The following WWC1 variants were observed in gnomAD, a reference collection of about 807,000 sequenced individuals.
The protein encoded by WWC1 is WW and C2 domain containing 1.
WWC1 carries 55 observed loss-of-function variants against 138.4 expected under a neutral mutation model. That is an observed-to-expected ratio of 0.40 (90% CI 0.32 to 0.50). The LOEUF is 0.50. Among genes scored for constraint, WWC1 ranks in the 20% least tolerant of loss-of-function variants. The probability of loss-of-function intolerance (pLI) is 0.72; values close to 1 mark genes in which losing one functional copy is unlikely to be tolerated. For synonymous variants in WWC1, 524 were observed against 564.9 expected (o/e 0.93, Z 1.03); for missense variants, 1,226 against 1,420.4 (o/e 0.86, Z 2.20).
chr5:168,430,459 C>G (rs1781851789), intron 14 of WWC1, among the ~76,000 whole-genome samples: 1 of 152,168 alleles, frequency 6.6e-6, no homozygotes, highest in South Asian at 2.1e-4. Flanking sequence ...AATTCCTGCC[C>G]CATTACGTGC....
In WWC1 at chr5:168,291,930, G is replaced by A. The variant is rs1769081447; in HGVS notation, c.-223G>A. The A allele has an allele frequency of 7.4e-6, 2 of 270,652 alleles. No individual in the cohort carries two copies. The highest frequency in any genetic ancestry group is 6.6e-6 in the Non-Finnish European group (1 of 150,846). The allele number at this position is 270,652 out of a possible 1,614,324, so 16.8% of individuals were successfully genotyped here. A position where few individuals can be genotyped will look rare whatever the true frequency, so the allele number is the denominator to read the frequency against. ...TGCGGACGCACATGGCAGCGTGAGAGGCCGGCGGCGGGAGGAGCGGGCGGC... is the reference window on the plus strand; with the variant it reads ...TGCGGACGCACATGGCAGCGTGAGAAGCCGGCGGCGGGAGGAGCGGGCGGC... On this transcript the variant is annotated 5_prime_UTR_variant, in exon 1 of 23. Transcript: ENST00000265293.
chr5:168,419,409 A>G (rs758293880), intron 9 of WWC1, among the ~76,000 whole-genome samples: 3 of 152,216 alleles, frequency 2.0e-5, no homozygotes, highest in Non-Finnish European at 4.4e-5. Flanking sequence ...GAGCATGTCT[A>G]CATGGTGGGC....
chr5:168,429,721 TCC>T (rs1781793835), intron 13 of WWC1, among the ~76,000 whole-genome samples: 1 of 152,084 alleles, frequency 6.6e-6, no homozygotes, highest in African/African-American at 2.4e-5. Context: ...ATCACTTGAT[TCC>T]AGGAGTTCAG....
In WWC1 at chr5:168,420,610, TCATACCCA is replaced by T. The variant is rs1781017498; in HGVS notation, c.1185-1393_1185-1386del. Among the ~76,000 whole-genome samples the T allele has an allele frequency of 2.0e-5, 3 of 152,178 alleles. No individual in the cohort carries two copies. The South Asian group carries it at 6.2e-4, about 32-fold the overall frequency. On this transcript the variant is annotated intron_variant, in intron 9 of 22. Transcript: ENST00000265293. ...TTAGAGCAGCCCACCTGTTCAGTAT[TCATACCCA>T]CATATCCATAATAGAGCTCTTCTCT...
At chr5:168,395,943 A>G (rs1396566579) in intron 3 of WWC1, among the ~76,000 whole-genome samples, 1 of 152,242 alleles carries the variant, frequency 6.6e-6, no homozygotes, top group Non-Finnish European at 1.5e-5. Context: ...ATATTTTTAA[A>G]CAAAGCCAAA....
chr5:168,445,723 A>T (rs1755195507), intron 17 of WWC1, among the ~76,000 whole-genome samples: 1 of 151,380 alleles, frequency 6.6e-6, no homozygotes, highest in African/African-American at 2.4e-5. Context: ...AAAAAAAAAA[A>T]AAGAGTAAGC....
At chr5:168,441,938 A>C in intron 16 of WWC1, 104 bp downstream of exon 16, 1 of 1,451,738 alleles carries the variant, frequency 6.9e-7, no homozygotes, top group Non-Finnish European at 9.2e-7. Flanking sequence ...ATGAGAGGAG[A>C]ACAATGGGGT....
Position 168,292,186 on chromosome 5 carries a change from T to C in WWC1, c.34T>C (p.Trp12Arg), listed in dbSNP as rs1769103325. ...GCCGGAGCTGCCCCTGCCGGAGGGC[T>C]GGGAGGAGGCGCGCGACTTCGACGG... ...PRPELPLPEGWEEARDFDGKV... is the reference protein window; with the variant it reads ...PRPELPLPEGREEARDFDGKV... Residue 12 changes from tryptophan to arginine, a missense_variant, in exon 1 of 23, where the codon TGG (tryptophan) becomes CGG (arginine). Around this residue, in one of 3 missense-constraint regions of WWC1, gnomAD observed 1,016 missense variants for 1,153.9 expected, o/e 0.88. Coordinates refer to ENST00000265293, the MANE Select transcript of WWC1 (RefSeq NM_015238.3). This position sits in a 1 kb window ranked among gnomAD's most constrained non-coding sequence, Gnocchi z 4.4. 6.4e-7 allele frequency: 1 copy of C among 1,551,306 alleles called. No individual in the cohort carries two copies. The highest frequency in any genetic ancestry group is 8.7e-7 in the Non-Finnish European group (1 of 1,147,790).
chr5:168,391,602 C>T (rs1288423772), intron 3 of WWC1, among the ~76,000 whole-genome samples: 3 of 144,636 alleles, frequency 2.1e-5, no homozygotes, highest in African/African-American at 2.6e-5. Context: ...GAGCTTTCAG[C>T]GAGCTGAGAT....
chr5:168,442,614 A>T (rs971723588), intron 16 of WWC1, among the ~76,000 whole-genome samples: 3 of 152,010 alleles, frequency 2.0e-5, no homozygotes, highest in Non-Finnish European at 2.9e-5. Flanking sequence ...AGGCAGGAGG[A>T]TCTCTTGAGG....
At chr5:168,465,581 A>ATGG (rs1757217955) in intron 21 of WWC1, among the ~76,000 whole-genome samples, 1 of 23,470 alleles carries the variant, frequency 4.3e-5, no homozygotes, top group Non-Finnish European at 6.7e-5. Flanking sequence ...TTTTTTGGAG[A>ATGG]TGGGTTTTCT....
chr5:168,457,494 T>C (rs749038626), intron 19 of WWC1, among the ~76,000 whole-genome samples: 19 of 152,166 alleles, frequency 1.2e-4, no homozygotes, highest in Non-Finnish European at 2.1e-4. Context: ...AGCATTCCAC[T>C]TCCTGCCTGT....
rs1313776211 is a variant in WWC1 at position 168,441,726 on chromosome 5, G to A, written c.2325G>A (p.Glu775=). 6.2e-6 allele frequency: 10 copies of A among 1,614,086 alleles called. No homozygotes were observed. The highest frequency in any genetic ancestry group is 1.3e-5 in the African/African-American group (1 of 74,934). ...TGGCGGAGGTCTGCCGGTCTGGGGA[G>A]AGGTCGACTCGCTGGTACAACCTTC... ...ISLAEVCRSG[E]RSTRWYNLLS... is the part of the protein sequence containing the mutation. The change falls in exon 16 of 23, where the codon GAG becomes GAA. Residue 775 remains glutamate, a synonymous_variant. Transcript: ENST00000265293.
chr5:168,317,877 T>A (rs935756438), intron 1 of WWC1, among the ~76,000 whole-genome samples: 3 of 152,208 alleles, frequency 2.0e-5, no homozygotes, highest in Non-Finnish European at 2.9e-5. Context: ...AATGATGCGT[T>A]ATCAGTGTAA....
chr5:168,395,122 C>T (rs1271250463), intron 3 of WWC1, among the ~76,000 whole-genome samples: 2 of 152,222 alleles, frequency 1.3e-5, no homozygotes, highest in Non-Finnish European at 1.5e-5. Context: ...TCAGCCCTGG[C>T]GTGACTGGTC....
chr5:168,432,884 A>G (rs747759891), intron 15 of WWC1, among the ~76,000 whole-genome samples: 8 of 152,218 alleles, frequency 5.3e-5, no homozygotes, highest in Non-Finnish European at 1.0e-4. Flanking sequence ...GGAAGCTGGA[A>G]TGTAGAGCCT....
chr5:168,444,678 G>A (rs963136674), intron 17 of WWC1, 93 bp downstream of exon 17: 13 of 1,380,070 alleles, frequency 9.4e-6, no homozygotes, highest in South Asian at 6.2e-5. Context: ...CTAAGAGAAG[G>A]GTTCCACTGG....
At chr5:168,301,703 G>A (rs1770098116) in intron 1 of WWC1, among the ~76,000 whole-genome samples, 1 of 151,224 alleles carries the variant, frequency 6.6e-6, no homozygotes, top group African/African-American at 2.4e-5. Flanking sequence ...ACAAGGATAA[G>A]AATAGAACCT....
intron 1 of WWC1, among the ~76,000 whole-genome samples, chr5:168,309,181 A>G (rs1280712691): frequency 1.4e-5 from 2 of 147,194 alleles, no homozygotes; most frequent in East Asian, 3.9e-4. Context: ...GGCATTTTGC[A>G]CTCTTCTCCC....
Sources: gnomAD v4.1 joint callset for allele counts (sites outside exome capture counted in the v4.1 genomes callset) on GRCh38, gnomAD v4.1.1 for gene constraint, gnomAD v4.1.1 regional missense constraint, Gnocchi (gnomAD v3.1) non-coding constraint, MANE v1.5 for transcripts, NCBI Gene and HGNC (gene_info 2026-07-23, HGNC 2026-07-21) for gene names.